Variants in PIK3AP1 observed in about 807,000 individuals in gnomAD.
The protein encoded by PIK3AP1 is phosphoinositide 3-kinase adapter protein 1.
Under a neutral mutation model 88.1 loss-of-function variants are expected in PIK3AP1, and 21 were observed. The ratio of observed to expected loss-of-function variants is 0.24; its 90% CI spans 0.17 to 0.34. PIK3AP1 has a LOEUF of 0.34. Ranked by LOEUF, PIK3AP1 falls within the 10% of genes least tolerant of loss-of-function variation. The probability of loss-of-function intolerance (pLI) is 1.00; values close to 1 mark genes in which losing one functional copy is unlikely to be tolerated. For synonymous variants in PIK3AP1, 398 were observed against 400.0 expected, an observed-to-expected ratio of 1.00 and a Z score of 0.06; for missense variants, 828 against 1,035.7, an observed-to-expected ratio of 0.80 and a Z score of 2.75.
rs1589526787 is a variant in PIK3AP1, at chr10:96,667,560, A to G, written c.431-10626T>C. 5.3e-5 allele frequency among the ~76,000 whole-genome samples: 8 copies of G among 152,306 alleles called. 1 individual carries two copies. In the South Asian group the frequency reaches 1.7e-3, roughly 32 times the overall value. ...GTCACCCAGTGTGTGCTGTAAGGCAACCTGACAACAATTTAACCAAACCCA... is the reference window on the plus strand; with the variant it reads ...GTCACCCAGTGTGTGCTGTAAGGCAGCCTGACAACAATTTAACCAAACCCA... On this transcript the variant is annotated intron_variant, in intron 2 of 16. Transcript: ENST00000339364.
intron 14 of PIK3AP1, among the ~76,000 whole-genome samples, chr10:96,607,462 T>G (rs730443): frequency 0.033 from 5,036 of 152,238 alleles, 270 homozygotes; most frequent in African/African-American, 0.11. Context: ...TCTATACTAT[T>G]ATCCATTTCA....
intron 4 of PIK3AP1, 133 bp from the exon 5 acceptor site, chr10:96,651,784 G>T: frequency 9.3e-7 from 1 of 1,072,858 alleles, no homozygotes; most frequent in South Asian, 1.6e-5. Flanking sequence ...TCTTGGAGGT[G>T]AGCTGGGGCG....
At position 96,651,527 on chromosome 10, in the gene PIK3AP1, A is replaced by G. The variant is rs1843537067; in HGVS notation, c.837T>C (p.Pro279=). 1 of 1,614,116 alleles carries G rather than the reference A, an allele frequency of 6.2e-7. No homozygotes were observed. Among genetic ancestry groups the G allele is most frequent in the African/African-American group, 1.3e-5 (1 of 74,942 alleles). ...TCCTTACCTGACACATGAATTCCAC[A>G]GGATTCGCGGCATTGGACAATAAAT... The part of the protein sequence containing the change: ...IGNLLSNAAN[P]VEFMCQAFKI... Residue 279 remains proline, a synonymous_variant, in exon 5 of 17, where the codon CCT becomes CCC. Transcript: ENST00000339364.
At chr10:96,671,207 T>C (rs1843841399) in intron 2 of PIK3AP1, among the ~76,000 whole-genome samples, 1 of 152,186 alleles carries the variant, frequency 6.6e-6, no homozygotes, top group Non-Finnish European at 1.5e-5. Context: ...TGGACCCCAG[T>C]GAAGGAGCCT....
chr10:96,715,619 G>A (rs963477095), intron 1 of PIK3AP1, among the ~76,000 whole-genome samples: 1 of 152,236 alleles, frequency 6.6e-6, no homozygotes, highest in Non-Finnish European at 1.5e-5. Context: ...GGCTGGGCGC[G>A]GTGGCTCATG....
At chr10:96,672,045 CA>C (rs1843854537) in intron 2 of PIK3AP1, among the ~76,000 whole-genome samples, 1 of 150,994 alleles carries the variant, frequency 6.6e-6, no homozygotes, top group South Asian at 2.1e-4. Context: ...TCTCAAAAAA[CA>C]AAGAAAAAAA....
At chr10:96,684,415 C>T (rs980453727) in intron 2 of PIK3AP1, among the ~76,000 whole-genome samples, 3 of 152,204 alleles carry the variant, frequency 2.0e-5, no homozygotes, top group Admixed American at 6.5e-5. Context: ...TTCCCCTGAG[C>T]GAGGCTTGTG....
intron 1 of PIK3AP1, among the ~76,000 whole-genome samples, chr10:96,710,804 T>G (rs561509226): frequency 6.6e-6 from 1 of 152,286 alleles, no homozygotes; most frequent in South Asian, 2.1e-4. Context: ...GGTTAAGTAA[T>G]TTGCACAAGA....
At chr10:96,622,314 G>A (rs1843094998) in intron 11 of PIK3AP1, among the ~76,000 whole-genome samples, 1 of 152,354 alleles carries the variant, frequency 6.6e-6, no homozygotes. Flanking sequence ...TCTACAGGCT[G>A]TGACTTCAGT....
At chr10:96,661,873 A>G (rs1048856253) in intron 2 of PIK3AP1, among the ~76,000 whole-genome samples, 7 of 152,076 alleles carry the variant, frequency 4.6e-5, no homozygotes, top group Non-Finnish European at 1.5e-5. Flanking sequence ...GGGAAAGGAG[A>G]GGGGAAAGTG....
chr10:96,598,717 G>T (rs1193096073), intron 16 of PIK3AP1, among the ~76,000 whole-genome samples: 1 of 152,210 alleles, frequency 6.6e-6, no homozygotes, highest in Non-Finnish European at 1.5e-5. Flanking sequence ...GGAACATTAG[G>T]GAGGGCTTCA....
chr10:96,620,114 C>T (rs150078786), intron 12 of PIK3AP1, among the ~76,000 whole-genome samples: 43 of 152,294 alleles, frequency 2.8e-4, no homozygotes, highest in African/African-American at 1.0e-3. Flanking sequence ...GTCTTTGTTC[C>T]TGATCTCAAG....
At chr10:96,702,414 G>T (rs1030726437) in intron 2 of PIK3AP1, among the ~76,000 whole-genome samples, 1 of 151,150 alleles carries the variant, frequency 6.6e-6, no homozygotes, top group Non-Finnish European at 1.5e-5. Context: ...CAGGAGAATC[G>T]CTTGAACCGT....
At chr10:96,665,496 T>C (rs1235314706) in intron 2 of PIK3AP1, among the ~76,000 whole-genome samples, 1 of 152,230 alleles carries the variant, frequency 6.6e-6, no homozygotes, top group African/African-American at 2.4e-5. Context: ...CTGCTTCAAA[T>C]ACTTTGGAGA....
At chr10:96,678,647 G>C (rs1164064778) in intron 2 of PIK3AP1, among the ~76,000 whole-genome samples, 5 of 152,116 alleles carry the variant, frequency 3.3e-5, no homozygotes, top group African/African-American at 9.7e-5. Context: ...AAGGGAGCAT[G>C]GGTTAAAACA....
At chr10:96,718,026 T>G (rs1844525431) in intron 1 of PIK3AP1, among the ~76,000 whole-genome samples, 1 of 152,102 alleles carries the variant, frequency 6.6e-6, no homozygotes, top group Non-Finnish European at 1.5e-5. Context: ...ACTTTGAAAA[T>G]ATTATGCTGT....
chr10:96,602,331 G>T lies in PIK3AP1; in HGVS notation c.2309C>A (p.Thr770Asn). Residue 770 changes from threonine to asparagine, a missense_variant, in exon 16 of 17, where the codon ACC (threonine) becomes AAC (asparagine). Transcript: ENST00000339364. ...CCTGGGGGGTCTCTCGAGGGACATG[G>T]TGGGTGTCCCATCCACTTGTGGGGG... ...PGPPQVDGTP[T>N]MSLERPPRVP... 1.2e-6 allele frequency: 2 copies of T among 1,612,048 alleles called. No individual in the cohort carries two copies. The highest frequency in any genetic ancestry group is 1.7e-5 in the Admixed American group (1 of 59,624).
intron 1 of PIK3AP1, among the ~76,000 whole-genome samples, chr10:96,718,316 T>C (rs1844528958): frequency 6.6e-6 from 1 of 152,204 alleles, no homozygotes. Context: ...TATATCACAA[T>C]AAAGCTGCTT....
intron 7 of PIK3AP1, 93 bp downstream of exon 7, chr10:96,648,566 A>C: frequency 8.5e-5 from 111 of 1,307,298 alleles, no homozygotes; most frequent in Non-Finnish European, 1.0e-4. Context: ...AGGACATGCT[A>C]GAGATAAAAT....
Sources: allele counts gnomAD v4.1 joint callset (sites outside exome capture counted in the v4.1 genomes callset), GRCh38; gene constraint gnomAD v4.1.1; transcripts MANE v1.5; gene names NCBI Gene and HGNC (gene_info 2026-07-23, HGNC 2026-07-21).